MSI2: variants seen among roughly 807,000 people sequenced by gnomAD.
MSI2 encodes musashi RNA binding protein 2, also known as RNA-binding protein Musashi homolog 2.
In MSI2, 17 loss-of-function variants were observed where a neutral mutation model predicts 45.6. That is an observed-to-expected ratio of 0.37 (90% confidence interval 0.26 to 0.56). MSI2 has a LOEUF of 0.56. Ranked by LOEUF, MSI2 falls within the 20% of genes least tolerant of loss-of-function variation. The probability of loss-of-function intolerance (pLI) is 0.77; values close to 1 mark genes in which losing one functional copy is unlikely to be tolerated. For synonymous variants in MSI2, 156 were observed against 158.2 expected, an observed-to-expected ratio of 0.99 and a Z score of 0.11; for missense variants, 293 against 444.2, an observed-to-expected ratio of 0.66 and a Z score of 3.06.
chr17:57,675,275 G>A, intron 12 of MSI2, 149 bp downstream of exon 12: 2 of 783,708 alleles, frequency 2.6e-6, no homozygotes, highest in Non-Finnish European at 4.1e-6. Context: ...GAGGGCTGAA[G>A]CCTCCGTCGT....
chr17:57,439,338 G>A (rs1417722968), intron 6 of MSI2, among the ~76,000 whole-genome samples: 2 of 152,132 alleles, frequency 1.3e-5, no homozygotes, highest in Non-Finnish European at 1.5e-5. Context: ...GTGGCATGTC[G>A]TAGTCAAACT....
At chr17:57,430,643 G>A (rs775846934) in intron 6 of MSI2, among the ~76,000 whole-genome samples, 1 of 152,134 alleles carries the variant, frequency 6.6e-6, no homozygotes. Context: ...AGACTCCGGG[G>A]CTGCACTCAA....
intron 7 of MSI2, among the ~76,000 whole-genome samples, chr17:57,585,181 C>T (rs959053201): frequency 6.6e-6 from 1 of 152,170 alleles, no homozygotes; most frequent in African/African-American, 2.4e-5. Flanking sequence ...ACTTGTTTTA[C>T]CTCTCCCTGT....
chr17:57,318,302 T>C (rs1321475068), intron 5 of MSI2, among the ~76,000 whole-genome samples: 1 of 151,940 alleles, frequency 6.6e-6, no homozygotes, highest in East Asian at 1.9e-4. Context: ...GTTGATGGAC[T>C]CTGTGCTCTG....
At chr17:57,258,928 G>A (rs150260392) in intron 4 of MSI2, among the ~76,000 whole-genome samples, 16 of 146,172 alleles carry the variant, frequency 1.1e-4, no homozygotes, top group African/African-American at 3.8e-4. Context: ...GGCTGATAAG[G>A]CCTGGGGGTT....
intron 5 of MSI2, among the ~76,000 whole-genome samples, chr17:57,380,272 T>C (rs1158078179): frequency 6.6e-6 from 1 of 152,180 alleles, no homozygotes; most frequent in African/African-American, 2.4e-5. Flanking sequence ...GTTCTACGTC[T>C]GGAATTGGTC....
At chr17:57,632,318 A>G in intron 10 of MSI2, 8 of 1,068,562 alleles carry the variant, frequency 7.5e-6, no homozygotes, top group Non-Finnish European at 7.9e-6. Context: ...ACAGAGACAG[A>G]CTATTCTCTA....
chr17:57,430,025 C>T (rs767217864), intron 6 of MSI2, among the ~76,000 whole-genome samples: 1 of 152,160 alleles, frequency 6.6e-6, no homozygotes, highest in Admixed American at 6.5e-5. Context: ...GCATGGAAGT[C>T]CTCAGCAGAG....
intron 6 of MSI2, among the ~76,000 whole-genome samples, chr17:57,408,305 T>C (rs2084122077): frequency 6.6e-6 from 1 of 152,224 alleles, no homozygotes; most frequent in South Asian, 2.1e-4. Context: ...GACATTATTA[T>C]TGCTCGTTAA....
At chr17:57,266,665 AATT>A (rs1907814452) in intron 5 of MSI2, 1 of 152,222 alleles carries the variant, frequency 6.6e-6, no homozygotes, top group Non-Finnish European at 1.5e-5. Flanking sequence ...CCGACCAGAT[AATT>A]ATTTTAATAG....
intron 6 of MSI2, among the ~76,000 whole-genome samples, chr17:57,430,402 G>A (rs1279964583): frequency 1.3e-5 from 2 of 152,118 alleles, no homozygotes; most frequent in East Asian, 1.9e-4. Flanking sequence ...TGTCCACACT[G>A]CCCCTGGGGC....
At chr17:57,456,144 C>T (rs930389787) in intron 6 of MSI2, among the ~76,000 whole-genome samples, 6 of 152,210 alleles carry the variant, frequency 3.9e-5, no homozygotes, top group African/African-American at 1.2e-4. Flanking sequence ...GAGCAAGAAA[C>T]GATCTTTCCG....
In MSI2 at chr17:57,450,275, G is replaced by GAAAGA. The variant is rs1555607250; in HGVS notation, c.405+48807_405+48811dup. On this transcript the variant is annotated intron_variant, in intron 6 of 13. Transcript: ENST00000284073. ...CAGCTTAAAGAAAGAAAGAAAGAAA[G>GAAAGA]AAAGAAAGAAAGAAAGAAAGAAAGA... The GAAAGA allele has an allele frequency of 9.2e-5, 9 of 98,260 alleles. 1 individual carries two copies. The highest frequency in any genetic ancestry group is 1.9e-4 in the African/African-American group (4 of 21,524). The allele number at this position is 98,260 out of a possible 1,614,324, so 6.1% of individuals were successfully genotyped here. A position where few individuals can be genotyped will look rare whatever the true frequency, so the allele number is the denominator to read the frequency against.
Position 57,675,027 on chromosome 17 carries a change from C to A in MSI2, c.846C>A (p.Val282=). The change falls in exon 12 of 14, where the codon GTC becomes GTA. Residue 282 remains valine, a synonymous_variant. Transcript: ENST00000284073. Reference sequence around the variant, plus strand: ...CGGGGGCCAACAGCCCAGGACCTGTCGCCGATCTCTACGGCCCTGCCAGCC... The same window carrying A: ...CGGGGGCCAACAGCCCAGGACCTGTAGCCGATCTCTACGGCCCTGCCAGCC... The part of the protein sequence containing the change: ...GFPGANSPGP[V]ADLYGPASQD... The A allele has an allele frequency of 6.2e-7, 1 of 1,613,934 alleles. No homozygotes were observed. The highest frequency in any genetic ancestry group is 8.5e-7 in the Non-Finnish European group (1 of 1,179,972).
intron 5 of MSI2, among the ~76,000 whole-genome samples, chr17:57,388,350 C>G (rs1423112119): frequency 6.6e-6 from 1 of 152,230 alleles, no homozygotes; most frequent in Non-Finnish European, 1.5e-5. Context: ...AAATTTATGA[C>G]TTAACAGATG....
At chr17:57,575,847 A>G (rs2088025394) in intron 7 of MSI2, among the ~76,000 whole-genome samples, 1 of 147,172 alleles carries the variant, frequency 6.8e-6, no homozygotes, top group Non-Finnish European at 1.5e-5. Flanking sequence ...CGGGAGGCTG[A>G]GGCAGGAGAA....
intron 5 of MSI2, among the ~76,000 whole-genome samples, chr17:57,392,085 A>G (rs2083804324): frequency 6.6e-6 from 1 of 152,220 alleles, no homozygotes; most frequent in Admixed American, 6.5e-5. Flanking sequence ...AATGACGGCT[A>G]GCCAGCCACC....
At chr17:57,468,971 T>G (rs1183584450) in intron 6 of MSI2, among the ~76,000 whole-genome samples, 2 of 152,194 alleles carry the variant, frequency 1.3e-5, no homozygotes, top group Non-Finnish European at 2.9e-5. Context: ...TTGAGTCTCC[T>G]CCAGCTGTCA....
At chr17:57,597,876 T>C (rs890246051) in intron 8 of MSI2, among the ~76,000 whole-genome samples, 10 of 152,220 alleles carry the variant, frequency 6.6e-5, no homozygotes, top group African/African-American at 2.4e-4. Flanking sequence ...TTCTGCCCTC[T>C]TGATCAGCTG....
Sources: gnomAD v4.1 joint callset for allele counts (sites outside exome capture counted in the v4.1 genomes callset) on GRCh38, gnomAD v4.1.1 for gene constraint, MANE v1.5 for transcripts, NCBI Gene and HGNC (gene_info 2026-07-23, HGNC 2026-07-21) for gene names.